TMEM178B: variants seen among roughly 807,000 people sequenced by gnomAD.
TMEM178B encodes the protein transmembrane protein 178B.
Under a neutral mutation model 31.0 loss-of-function variants are expected in TMEM178B, and 5 were observed. The observed-to-expected ratio is 0.16, with a 90% CI of 0.08 to 0.34. The LOEUF (loss-of-function observed/expected upper bound fraction) is 0.34, where lower values mean the gene tolerates loss of function less well. Ranked by LOEUF, TMEM178B falls within the 10% of genes least tolerant of loss-of-function variation. The pLI is 1.00. For missense variants in TMEM178B, 275 were observed against 400.3 expected, an observed-to-expected ratio of 0.69 and a Z score of 2.67; for synonymous variants, 164 against 164.0, an observed-to-expected ratio of 1.00 and a Z score of 0.00.
chr7:141,396,371 C>A (rs548278963), intron 2 of TMEM178B, among the ~76,000 whole-genome samples: 1 of 152,346 alleles, frequency 6.6e-6, no homozygotes, highest in South Asian at 2.1e-4. Flanking sequence ...CTCCCACCTG[C>A]CACTCGCCTG....
At chr7:141,175,654 GT>G (rs1449688513) in intron 1 of TMEM178B, among the ~76,000 whole-genome samples, 4 of 152,134 alleles carry the variant, frequency 2.6e-5, no homozygotes, top group Non-Finnish European at 4.4e-5. Context: ...TTGGTTTGTA[GT>G]TTTCCTTGAA....
At chr7:141,196,858 T>C (rs1315099717) in intron 1 of TMEM178B, among the ~76,000 whole-genome samples, 1 of 151,502 alleles carries the variant, frequency 6.6e-6, no homozygotes, top group Non-Finnish European at 1.5e-5. Flanking sequence ...GAGCCAGGAG[T>C]AGGATAGTAG....
At position 141,318,410 on chromosome 7, in the gene TMEM178B, G is replaced by C. The variant is rs144587482; in HGVS notation, c.496+105706G>C. Among the ~76,000 whole-genome samples the C allele has an allele frequency of 3.3e-5, 5 of 152,244 alleles. No homozygotes were observed. Among genetic ancestry groups the C allele is most frequent in the East Asian group, 1.9e-4 (1 of 5,186 alleles). ...CCAAGCTGGCTTGAATTAATCTAGT[G>C]GGGGGAAAACCCAAGTGTTTGGTTT... On this transcript the variant is annotated intron_variant, in intron 2 of 3. Transcript: ENST00000565468. The surrounding 1 kb of genome is among the most constrained non-coding windows in gnomAD (Gnocchi z 4.1).
chr7:141,307,544 C>CAT (rs1266162499), intron 2 of TMEM178B, among the ~76,000 whole-genome samples: 1 of 152,210 alleles, frequency 6.6e-6, no homozygotes, highest in East Asian at 1.9e-4. Context: ...TGCCGGAGCA[C>CAT]ATATATACCA....
intron 3 of TMEM178B, among the ~76,000 whole-genome samples, chr7:141,449,866 G>A (rs986932590): frequency 3.3e-5 from 5 of 152,222 alleles, no homozygotes; most frequent in African/African-American, 1.2e-4. Flanking sequence ...CAATACAGGG[G>A]CCTTTAAGGC....
At chr7:141,288,233 C>T (rs545949929) in intron 2 of TMEM178B, among the ~76,000 whole-genome samples, 9 of 151,642 alleles carry the variant, frequency 5.9e-5, no homozygotes, top group Non-Finnish European at 8.8e-5. Flanking sequence ...TTGTGATTGT[C>T]GCGCTGAAAC....
chr7:141,284,076 A>G (rs1237232167), intron 2 of TMEM178B, among the ~76,000 whole-genome samples: 1 of 152,242 alleles, frequency 6.6e-6, no homozygotes, highest in Non-Finnish European at 1.5e-5. Flanking sequence ...TTCTGGGCAC[A>G]GTGCAATGCA....
intron 1 of TMEM178B, among the ~76,000 whole-genome samples, chr7:141,179,351 T>C (rs1683677464): frequency 6.6e-6 from 1 of 152,126 alleles, no homozygotes; most frequent in Admixed American, 6.5e-5. Flanking sequence ...TGGAAAAAAA[T>C]GGATACATTT....
rs188278640 is a variant in TMEM178B, at chr7:141,342,656, A to T, written c.497-94952A>T. Among the ~76,000 whole-genome samples the T allele has an allele frequency of 2.6e-5, 4 of 152,350 alleles. No homozygotes were observed. In the East Asian group the frequency reaches 7.7e-4, roughly 29 times the overall value. On this transcript the variant is annotated intron_variant, in intron 2 of 3. Coordinates refer to ENST00000565468, the MANE Select transcript of TMEM178B (RefSeq NM_001195278.2). The stretch of plus-strand genomic sequence containing the variant: ...ATTTTAGCAAATTCTCCTCCCTTGA[A>T]CAGAGAGAAGAGCAAGCTGAGTATC...
the TMEM178B span, among the ~76,000 whole-genome samples, chr7:141,486,378 T>C: frequency 3.3e-5 from 5 of 152,202 alleles, no homozygotes; most frequent in African/African-American, 4.8e-5. Flanking sequence ...ATATTACACT[T>C]GTATCCCACA....
At chr7:141,434,397 G>A (rs576698705) in intron 2 of TMEM178B, among the ~76,000 whole-genome samples, 4 of 152,306 alleles carry the variant, frequency 2.6e-5, no homozygotes, top group East Asian at 3.9e-4. Flanking sequence ...GCTGCTGAAT[G>A]GGATAGGATT....
At chr7:141,280,745 C>G (rs1056732254) in intron 2 of TMEM178B, among the ~76,000 whole-genome samples, 1 of 151,960 alleles carries the variant, frequency 6.6e-6, no homozygotes, top group African/African-American at 2.4e-5. Flanking sequence ...TTTTTTCCTC[C>G]TAGCAGAGGT....
intron 2 of TMEM178B, among the ~76,000 whole-genome samples, chr7:141,339,199 G>A (rs1411823061): frequency 6.6e-6 from 1 of 152,210 alleles, no homozygotes; most frequent in East Asian, 1.9e-4. Flanking sequence ...TCTTGTCCCT[G>A]AGGAGTGGAA....
rs185901629 is a variant in TMEM178B at position 141,159,550 on chromosome 7, C to T, written c.383-53041C>T. 1.3e-3 allele frequency among the ~76,000 whole-genome samples: 196 copies of T among 152,290 alleles called. 1 individual carries two copies. Among genetic ancestry groups the T allele is most frequent in the Non-Finnish European group, 2.5e-3 (170 of 68,030 alleles). ...GTAGCCAAAAGGCGGAAGCAACCCA[C>T]GTGTTCACCGACAGACAAATGGATA... On this transcript the variant is annotated intron_variant, in intron 1 of 3. Transcript: ENST00000565468.
At chr7:141,463,868 G>A (rs115074626) in intron 3 of TMEM178B, among the ~76,000 whole-genome samples, 5,432 of 152,276 alleles carry the variant, frequency 0.036, 295 homozygotes, top group African/African-American at 0.12. Context: ...GGCCAGACGC[G>A]CAGGATACAG....
chr7:141,429,435 G>A (rs1801382631), intron 2 of TMEM178B, among the ~76,000 whole-genome samples: 1 of 152,066 alleles, frequency 6.6e-6, no homozygotes, highest in Non-Finnish European at 1.5e-5. Context: ...GCTAAGTCAG[G>A]CACAGAAACA....
chr7:141,123,779 G>T (rs1261805869), intron 1 of TMEM178B, among the ~76,000 whole-genome samples: 1 of 151,966 alleles, frequency 6.6e-6, no homozygotes, highest in African/African-American at 2.4e-5. Context: ...TTGAGACAGA[G>T]TCTCAATCTG....
intron 1 of TMEM178B, among the ~76,000 whole-genome samples, chr7:141,149,021 G>A (rs182128985): frequency 3.9e-5 from 6 of 152,292 alleles, no homozygotes; most frequent in African/African-American, 1.4e-4. Context: ...GCAGTAGGGA[G>A]TTAGGTTGGG....
intron 2 of TMEM178B, among the ~76,000 whole-genome samples, chr7:141,280,355 A>G (rs1483818025): frequency 1.3e-5 from 2 of 152,090 alleles, no homozygotes; most frequent in Admixed American, 6.5e-5. Context: ...CATAATTCCT[A>G]CGTGTTGTGG....
Sources: gnomAD v4.1 joint callset for allele counts (sites outside exome capture counted in the v4.1 genomes callset) on GRCh38, gnomAD v4.1.1 for gene constraint, Gnocchi (gnomAD v3.1) non-coding constraint, MANE v1.5 for transcripts, NCBI Gene and HGNC (gene_info 2026-07-23, HGNC 2026-07-21) for gene names.